ERAP1: variants seen among roughly 807,000 people sequenced by gnomAD.
ERAP1 encodes the protein endoplasmic reticulum aminopeptidase 1, also known as adipocyte-derived leucine aminopeptidase.
A neutral mutation model predicts 103.7 loss-of-function variants in ERAP1; 86 were observed. The observed-to-expected ratio is 0.83, with a 90% CI of 0.70 to 0.99. The LOEUF (loss-of-function observed/expected upper bound fraction) is 0.99. ERAP1 is among the 50% of genes least tolerant of loss of function. The probability of loss-of-function intolerance (pLI) is 0.00; values close to 1 mark genes in which losing one functional copy is unlikely to be tolerated. For synonymous variants in ERAP1, 398 were observed against 402.4 expected (o/e 0.99, Z 0.13); for missense variants, 1,009 against 1,128.4 (o/e 0.89, Z 1.52).
the ERAP1 span, chr5:96,917,676 A>C: frequency 7.7e-7 from 1 of 1,292,230 alleles, no homozygotes; most frequent in South Asian, 1.4e-5. Flanking sequence ...GGAGGCTGAG[A>C]AGGGCGGATC....
chr5:96,803,546 A>AT lies in ERAP1; in HGVS notation c.380_381insA (p.Gln128SerfsTer56), dbSNP rs1158382397. ...GAGCCAGCAGTGCAATTTGCTCCTG[A>AT]CGGGGGTGTTCCAGGACCTGCAGGG... On this transcript the variant is annotated frameshift_variant, in exon 2 of 19. Coordinates refer to ENST00000443439, the MANE Select transcript of ERAP1 (RefSeq NM_001040458.3). LOFTEE classifies it high-confidence loss of function. 6.2e-7 allele frequency: 1 copy of AT among 1,613,572 alleles called. No homozygotes were observed.
At chr5:96,870,595 C>G in the ERAP1 span, among the ~76,000 whole-genome samples, 4 of 152,140 alleles carry the variant, frequency 2.6e-5, no homozygotes, top group East Asian at 7.8e-4. Flanking sequence ...TTCTGAGATG[C>G]CCCAGGGCTC....
intron 19 of ERAP1, chr5:96,763,275 G>A (rs778641362): frequency 2.4e-5 from 19 of 780,176 alleles, no homozygotes; most frequent in Middle Eastern, 2.2e-4. Flanking sequence ...ACCTGGCCCC[G>A]GGCAGCTCTA....
the ERAP1 span, among the ~76,000 whole-genome samples, chr5:96,920,088 A>C: frequency 2.6e-5 from 4 of 152,138 alleles, no homozygotes; most frequent in Non-Finnish European, 5.9e-5. Flanking sequence ...AAGAAGGGGG[A>C]TTACTCGAGC....
chr5:96,834,789 A>T, the ERAP1 span, among the ~76,000 whole-genome samples: 2 of 152,226 alleles, frequency 1.3e-5, no homozygotes, highest in Non-Finnish European at 2.9e-5. Flanking sequence ...TTACTAAATC[A>T]TAATTGCATG....
At chr5:96,830,852 A>G in the ERAP1 span, among the ~76,000 whole-genome samples, 1 of 152,290 alleles carries the variant, frequency 6.6e-6, no homozygotes, top group East Asian at 1.9e-4. Context: ...GATCCTCCAA[A>G]TACAGTCATC....
At chr5:96,777,097 T>A (rs745364380) in intron 18 of ERAP1, 1 of 152,644 alleles carries the variant, frequency 6.6e-6, no homozygotes, top group Non-Finnish European at 1.5e-5. Flanking sequence ...TGTATTGTTG[T>A]CTCAAGATAA....
rs1024150118 is a variant in ERAP1, at chr5:96,796,504, T to C, written c.798+671A>G. ...TTTACTTCCAAACTGCAGAAAGCCA[T>C]AACCAGAAGCAACCTTAGAGACCAT... On this transcript the variant is annotated intron_variant, in intron 4 of 18. Transcript: ENST00000443439. 2.6e-5 allele frequency among the ~76,000 whole-genome samples: 4 copies of C among 152,208 alleles called. No individual in the cohort carries two copies. The East Asian group carries it at 7.7e-4, about 29-fold the overall frequency.
chr5:96,896,396 T>C, the ERAP1 span: 2 of 1,611,828 alleles, frequency 1.2e-6, no homozygotes, highest in African/African-American at 2.7e-5. Context: ...TGAATGTGTG[T>C]TTTGAAGTAA....
intron 5 of ERAP1, 62 bp downstream of exon 5, chr5:96,794,980 A>C (rs1329734922): frequency 2.5e-6 from 4 of 1,595,420 alleles, no homozygotes; most frequent in Admixed American, 1.7e-5. Flanking sequence ...TGCCAATTAT[A>C]ATGACAAATC....
At chr5:96,917,581 G>T in the ERAP1 span, 1 of 1,612,892 alleles carries the variant, frequency 6.2e-7, no homozygotes, top group Non-Finnish European at 8.5e-7. Context: ...CGACTCTGAG[G>T]ACTTGGCTAA....
chr5:96,903,232 C>A, the ERAP1 span: 1 of 592,794 alleles, frequency 1.7e-6, no homozygotes, highest in Non-Finnish European at 2.8e-6. Flanking sequence ...ATCCAGTGAA[C>A]TACGAAAATG....
chr5:96,896,642 ATG>A, the ERAP1 span: 6 of 360,400 alleles, frequency 1.7e-5, no homozygotes, highest in South Asian at 7.1e-5. Flanking sequence ...GACATCACAC[ATG>A]TTCCGTAAAA....
chr5:96,802,596 G>A (rs1026825517), intron 2 of ERAP1, among the ~76,000 whole-genome samples: 2 of 152,152 alleles, frequency 1.3e-5, no homozygotes, highest in Middle Eastern at 3.4e-3. Flanking sequence ...CCCCAAATAA[G>A]TCTCCTCCTT....
At chr5:96,905,954 T>TC in the ERAP1 span, among the ~76,000 whole-genome samples, 1 of 151,130 alleles carries the variant, frequency 6.6e-6, no homozygotes, top group African/African-American at 2.4e-5. Context: ...ATTTTTTTTT[T>TC]TTTTTGTAGA....
At chr5:96,912,525 T>C in the ERAP1 span, 1 of 637,752 alleles carries the variant, frequency 1.6e-6, no homozygotes, top group Non-Finnish European at 2.6e-6. Flanking sequence ...TTTAATACAT[T>C]GAGTACTGAA....
chr5:96,808,020 G>A, upstream of ERAP1: 2 of 985,536 alleles, frequency 2.0e-6, no homozygotes, highest in Non-Finnish European at 2.4e-6. Flanking sequence ...GGAAGCCCCT[G>A]GCTAAGGCGG....
At chr5:96,769,598 G>A (rs928937408), downstream of ERAP1, 5 of 151,904 alleles carry the variant, frequency 3.3e-5, no homozygotes, top group African/African-American at 1.2e-4. Context: ...TGTGACAAAA[G>A]CAGCTAAAAT....
At chr5:96,874,150 G>GAAAGAAAC in the ERAP1 span, among the ~76,000 whole-genome samples, 1 of 103,396 alleles carries the variant, frequency 9.7e-6, no homozygotes, top group Non-Finnish European at 1.8e-5. Context: ...AAGAAAGAAA[G>GAAAGAAAC]AAAGAAAGAA....
Sources: allele counts gnomAD v4.1 joint callset (sites outside exome capture counted in the v4.1 genomes callset), GRCh38; gene constraint gnomAD v4.1.1; transcripts MANE v1.5; gene names NCBI Gene and HGNC (gene_info 2026-07-23, HGNC 2026-07-21).